The following VHL variants were observed in gnomAD, a reference collection of about 807,000 sequenced individuals.
VHL encodes the protein von Hippel-Lindau disease tumor suppressor.
VHL carries 10 observed loss-of-function variants against 19.2 expected under a neutral mutation model. The observed-to-expected ratio is 0.52, with a 90% CI of 0.32 to 0.89. The LOEUF is 0.89. Ranked by LOEUF, VHL falls within the 40% of genes least tolerant of loss-of-function variation. The pLI is 0.03. For synonymous variants in VHL, 167 were observed against 129.5 expected, an observed-to-expected ratio of 1.29 and a Z score of -1.97; for missense variants, 328 against 292.7, an observed-to-expected ratio of 1.12 and a Z score of -0.88.
Position 10,151,339 on chromosome 3 carries a change from C to T in VHL, c.*1374C>T, listed in dbSNP as rs1006575405. On this transcript the variant is annotated 3_prime_UTR_variant, in exon 3 of 3. Coordinates refer to ENST00000256474, the MANE Select transcript of VHL (RefSeq NM_000551.4). ...TAGATTCATTAACTCAAATTCAATG[C>T]TTCTATCAGACTCAGTTTTTTGTAA... 4.7e-6 allele frequency: 1 copy of T among 214,998 alleles called. No individual in the cohort carries two copies. The highest frequency in any genetic ancestry group is 2.3e-5 in the African/African-American group (1 of 44,362). The allele number at this position is 214,998 out of a possible 1,614,324, so 13.3% of individuals were successfully genotyped here.
Position 10,141,865 on chromosome 3 carries a change from G to T in VHL, c.18G>T (p.Glu6Asp), listed in dbSNP as rs1004620245. The T allele has an allele frequency of 3.3e-6, 5 of 1,535,034 alleles. No homozygotes were observed. In the African/African-American group the frequency reaches 6.9e-5, roughly 21 times the overall value. Residue 6 changes from glutamate (E) to aspartate (D), a missense_variant, in exon 1 of 3, where the codon GAG (glutamate) becomes GAT (aspartate). Transcript: ENST00000256474. Reference protein sequence around the residue: MPRRAENWDEAEVGAE... With the variant: MPRRADNWDEAEVGAE... The stretch of plus-strand genomic sequence containing the variant: ...CGGAGGGAATGCCCCGGAGGGCGGA[G>T]AACTGGGACGAGGCCGAGGTAGGCG...
Position 10,142,805 on chromosome 3 carries a change from T to G in VHL, c.340+618T>G, listed in dbSNP as rs1379155896. The G allele has an allele frequency of 6.5e-6, 1 of 152,720 alleles. No individual in the cohort carries two copies. The highest frequency in any genetic ancestry group is 2.4e-5 in the African/African-American group (1 of 41,446). The allele number at this position is 152,720 out of a possible 1,614,324, so 9.5% of individuals were successfully genotyped here. On this transcript the variant is annotated intron_variant, in intron 1 of 2. Transcript: ENST00000256474. ...GGCCAGTTCTGCGTAGTCCCTGCCC[T>G]CGTGGAGAACACATTCCTCCTGGGG...
intron 1 of VHL, chr3:10,143,048 T>G (rs569185143): frequency 6.6e-6 from 1 of 152,158 alleles, no homozygotes; most frequent in Admixed American, 6.5e-5. Flanking sequence ...ATGCGTGCGT[T>G]GAGACCTGGA....
rs770746627 is a variant in VHL, at chr3:10,149,949, A to T, written c.626A>T (p.Gln209Leu). The T allele has an allele frequency of 1.2e-6, 2 of 1,613,970 alleles. No individual in the cohort carries two copies. ...CTGACACAGGAGCGCATTGCACATC[A>T]ACGGATGGGAGATTGAAGATTTCTG... ...ERLTQERIAH[Q>L]RMGD Residue 209 changes from glutamine to leucine, a missense_variant, in exon 3 of 3, where the codon CAA becomes CTA. Physicochemically the swap from Gln to Leu is moderately radical, Grantham distance 113 (BLOSUM62 -2). Transcript: ENST00000256474.
At position 10,150,195 on chromosome 3, in the gene VHL, C is replaced by G; in HGVS notation, c.*230C>G. 7.2e-7 allele frequency: 1 copy of G among 1,390,316 alleles called. No homozygotes were observed. Among genetic ancestry groups the G allele is most frequent in the Non-Finnish European group, 9.3e-7 (1 of 1,069,822 alleles). The allele number at this position is 1,390,316 out of a possible 1,614,324, so 86.1% of individuals were successfully genotyped here. Reference sequence around the variant, plus strand: ...GCCTGCCCATTAGAGAAGTATTTATCAGGAGAAGGTGGTGGCATTTTTGCT... The same window carrying G: ...GCCTGCCCATTAGAGAAGTATTTATGAGGAGAAGGTGGTGGCATTTTTGCT... On this transcript the variant is annotated 3_prime_UTR_variant, in exon 3 of 3. Transcript: ENST00000256474.
rs2125130650 is a variant in VHL at position 10,149,866 on chromosome 3, C to T, written c.543C>T (p.Val181=). The change falls in exon 3 of 3, where the codon GTC becomes GTT. Residue 181 remains valine, a synonymous_variant. Coordinates refer to ENST00000256474, the MANE Select transcript of VHL (RefSeq NM_000551.4). ...KPENYRRLDI[V]RSLYEDLEDH... Reference sequence around the variant, plus strand: ...AGAATTACAGGAGACTGGACATCGTCAGGTCGCTCTACGAAGATCTGGAAG... The same window carrying T: ...AGAATTACAGGAGACTGGACATCGTTAGGTCGCTCTACGAAGATCTGGAAG... 6.2e-7 allele frequency: 1 copy of T among 1,614,168 alleles called. No homozygotes were observed. Among genetic ancestry groups the T allele is most frequent in the South Asian group, 1.1e-5 (1 of 91,068 alleles).
rs558927590 is a variant in VHL, at chr3:10,142,483, T to C, written c.340+296T>C. 24 of 439,538 alleles carry C rather than the reference T, an allele frequency of 5.5e-5. 2 individuals carry two copies. In the East Asian group the frequency reaches 1.0e-3, roughly 19 times the overall value. The allele number at this position is 439,538 out of a possible 1,614,324, so 27.2% of individuals were successfully genotyped here. A position where few individuals can be genotyped will look rare whatever the true frequency, so the allele number is the denominator to read the frequency against. On this transcript the variant is annotated intron_variant, in intron 1 of 2. Transcript: ENST00000256474. ...GCCTCAGCCTCCTGAGTAGCTGGGATTACAGGCGTGCGCCACCGCGCCCGG... is the reference window on the plus strand; with the variant it reads ...GCCTCAGCCTCCTGAGTAGCTGGGACTACAGGCGTGCGCCACCGCGCCCGG...
In VHL at chr3:10,142,096, C is replaced by G. The variant is rs1271292937; in HGVS notation, c.249C>G (p.Val83=). The G allele has an allele frequency of 1.9e-6, 3 of 1,603,932 alleles. No individual in the cohort carries two copies. Among genetic ancestry groups the G allele is most frequent in the Non-Finnish European group, 2.5e-6 (3 of 1,179,704 alleles). The part of the protein sequence containing the change: ...QVIFCNRSPR[V]VLPVWLNFDG... ...TCTTCTGCAATCGCAGTCCGCGCGT[C>G]GTGCTGCCCGTATGGCTCAACTTCG... is the stretch of plus-strand genomic sequence containing the variant. The change falls in exon 1 of 3, where the codon GTC becomes GTG. Residue 83 remains valine, a synonymous_variant. Coordinates refer to ENST00000256474, the MANE Select transcript of VHL (RefSeq NM_000551.4).
At chr3:10,149,507 G>A (rs919940599) in intron 2 of VHL, among the ~76,000 whole-genome samples, 5 of 152,118 alleles carry the variant, frequency 3.3e-5, no homozygotes, top group African/African-American at 9.7e-5. Flanking sequence ...TTAAGGCTTC[G>A]GCCTAGAATT....
At chr3:10,147,669 T>TCACCA (rs1696296518) in intron 2 of VHL, among the ~76,000 whole-genome samples, 1 of 150,764 alleles carries the variant, frequency 6.6e-6, no homozygotes, top group African/African-American at 2.5e-5. Context: ...CCAGCCTGTT[T>TCACCA]TTTTTTTTTT....
Position 10,142,834 on chromosome 3 carries a change from C to G in VHL, c.340+647C>G, listed in dbSNP as rs929633840. On this transcript the variant is annotated intron_variant, in intron 1 of 2. Coordinates refer to ENST00000256474, the MANE Select transcript of VHL (RefSeq NM_000551.4). ...GGAGAACACATTCCTCCTGGGGAGA[C>G]TGACAGATGCAAAGACAGGAACAAG... 6.6e-6 allele frequency: 1 copy of G among 152,374 alleles called. No individual in the cohort carries two copies. The highest frequency in any genetic ancestry group is 1.9e-4 in the East Asian group (1 of 5,196). The allele number at this position is 152,374 out of a possible 1,614,324, so 9.4% of individuals were successfully genotyped here.
At chr3:10,145,705 C>CAAAA (rs35732631) in intron 1 of VHL, among the ~76,000 whole-genome samples, 1 of 133,766 alleles carries the variant, frequency 7.5e-6, no homozygotes, top group Non-Finnish European at 1.6e-5. Flanking sequence ...GACTGCATCT[C>CAAAA]AAAAAAAAAA....
Position 10,147,851 on chromosome 3 carries a change from G to A in VHL, c.463+1215G>A, listed in dbSNP as rs148833516. Reference sequence around the variant, plus strand: ...TCATGCCTGTAATTCCAGCACTTAGGGAGGCTATGGCGGGAGGGTCGCTTG... The same window carrying A: ...TCATGCCTGTAATTCCAGCACTTAGAGAGGCTATGGCGGGAGGGTCGCTTG... On this transcript the variant is annotated intron_variant, in intron 2 of 2. Transcript: ENST00000256474. Among the ~76,000 whole-genome samples the A allele has an allele frequency of 1.5e-4, 23 of 152,218 alleles. 1 individual carries two copies. The East Asian group carries it at 4.1e-3, about 27-fold the overall frequency.
chr3:10,149,701 A>G (rs1696351975), intron 2 of VHL, 86 bp from the exon 3 acceptor site: 1 of 1,140,086 alleles, frequency 8.8e-7, no homozygotes, highest in Admixed American at 1.8e-5. Context: ...CATCAGTAGT[A>G]CAGGTAGTTG....
rs34347838 is a variant in VHL, at chr3:10,153,619, T to TG, written c.*3654_*3655insG. Among the ~76,000 whole-genome samples, 12 of 151,230 alleles carry TG rather than the reference T, an allele frequency of 7.9e-5. No individual in the cohort carries two copies. The highest frequency in any genetic ancestry group is 2.9e-4 in the African/African-American group (12 of 41,312). ...ATTTCAAGTTTTTTTTTTTTTTTTT[T>TG]TTTTTAAAGCTGTTTTTTAATACAT... On this transcript the variant is annotated 3_prime_UTR_variant, in exon 3 of 3. Coordinates refer to ENST00000256474, the MANE Select transcript of VHL (RefSeq NM_000551.4).
At chr3:10,147,530 A>T (rs886122700) in intron 2 of VHL, among the ~76,000 whole-genome samples, 1 of 150,972 alleles carries the variant, frequency 6.6e-6, no homozygotes, top group African/African-American at 2.4e-5. Context: ...ACACCTGGCT[A>T]ATTTTTGTAT....
chr3:10,152,431 TC>T lies in VHL; in HGVS notation c.*2468del, dbSNP rs1403021426. Among the ~76,000 whole-genome samples, 1 of 149,234 alleles carries T rather than the reference TC, an allele frequency of 6.7e-6. No homozygotes were observed. The highest frequency in any genetic ancestry group is 2.5e-5 in the African/African-American group (1 of 40,602). ...TGAGACACTCCAGTTTTCCTTCTAC[TC>T]CGAATTTCAACTGATTTTAGCTCCT... On this transcript the variant is annotated 3_prime_UTR_variant, in exon 3 of 3. Transcript: ENST00000256474.
At chr3:10,145,106 A>G (rs1208178606) in intron 1 of VHL, among the ~76,000 whole-genome samples, 1 of 152,134 alleles carries the variant, frequency 6.6e-6, no homozygotes, top group African/African-American at 2.4e-5. Flanking sequence ...AGGCAGGAGA[A>G]TTGCTTGAAC....
rs1291699289 is a variant in VHL, at chr3:10,141,817, T to C, written c.-31T>C. 2.0e-6 allele frequency: 3 copies of C among 1,536,078 alleles called. No homozygotes were observed. Among genetic ancestry groups the C allele is most frequent in the African/African-American group, 1.4e-5 (1 of 72,168 alleles). On this transcript the variant is annotated 5_prime_UTR_variant, in exon 1 of 3. Coordinates refer to ENST00000256474, the MANE Select transcript of VHL (RefSeq NM_000551.4). ...CGTCCGACCCGCGGATCCCGCGGCG[T>C]CCGGCCCGGGTGGTCTGGATCGCGG...
Sources: gnomAD v4.1 joint callset for allele counts (sites outside exome capture counted in the v4.1 genomes callset) on GRCh38, gnomAD v4.1.1 for gene constraint, MANE v1.5 for transcripts, NCBI Gene and HGNC (gene_info 2026-07-23, HGNC 2026-07-21) for gene names.